Variants in PTPRO observed in about 807,000 individuals in gnomAD.
PTPRO encodes the protein receptor-type tyrosine-protein phosphatase O.
A neutral mutation model predicts 145.2 loss-of-function variants in PTPRO; 62 were observed. The observed-to-expected ratio is 0.43, with a 90% CI of 0.35 to 0.53. The LOEUF (loss-of-function observed/expected upper bound fraction) is 0.53. Among genes scored for constraint, PTPRO ranks in the 20% least tolerant of loss-of-function variants. The pLI is 0.01. For missense variants in PTPRO, 1,345 were observed against 1,482.7 expected (o/e 0.91, Z 1.53); for synonymous variants, 565 against 514.7 (o/e 1.10, Z -1.32).
At chr12:15,591,369 TCAAAAAAAA>T (rs1344603187) in intron 25 of PTPRO, among the ~76,000 whole-genome samples, 3 of 151,686 alleles carry the variant, frequency 2.0e-5, no homozygotes, top group Non-Finnish European at 4.4e-5. Flanking sequence ...AGACTCCATC[TCAAAAAAAA>T]CAAAAAAAAC....
chr12:15,508,602 C>G lies in PTPRO; in HGVS notation c.1299C>G (p.Thr433=). The change falls in exon 7 of 27, where the codon ACC becomes ACG. Residue 433 remains threonine, a synonymous_variant. Coordinates refer to ENST00000281171, the MANE Select transcript of PTPRO (RefSeq NM_030667.3). ...CAGGAGAGTGGATTGAAGAACTGAC[C>G]GAGAAGCCGCAGCACGTGAGTGTCC... is the stretch of plus-strand genomic sequence containing the variant. ...SPSGEWIEEL[T]EKPQHVSVHV... 4 of 1,613,960 alleles carry G rather than the reference C, an allele frequency of 2.5e-6. No individual in the cohort carries two copies. Among genetic ancestry groups the G allele is most frequent in the Non-Finnish European group, 3.4e-6 (4 of 1,179,958 alleles).
chr12:15,533,936 A>C (rs1036007364), intron 12 of PTPRO, among the ~76,000 whole-genome samples: 3 of 152,124 alleles, frequency 2.0e-5, no homozygotes, highest in Non-Finnish European at 4.4e-5. Context: ...CTATAGAAAG[A>C]AACCAAACTA....
intron 1 of PTPRO, among the ~76,000 whole-genome samples, chr12:15,420,074 G>A (rs565430512): frequency 1.3e-5 from 2 of 149,970 alleles, no homozygotes; most frequent in South Asian, 2.1e-4. Flanking sequence ...GTGAAACCGG[G>A]AGGCGGAGCT....
At chr12:15,499,902 T>C (rs1279952290) in intron 4 of PTPRO, among the ~76,000 whole-genome samples, 1 of 152,162 alleles carries the variant, frequency 6.6e-6, no homozygotes, top group East Asian at 1.9e-4. Context: ...TGCTGACAAG[T>C]GACCCTATGG....
intron 1 of PTPRO, among the ~76,000 whole-genome samples, chr12:15,330,259 G>A (rs550061477): frequency 6.6e-6 from 1 of 152,258 alleles, no homozygotes; most frequent in Admixed American, 6.5e-5. Context: ...CTGGCATTAG[G>A]GTGACAGACA....
chr12:15,581,915 A>G (rs115495501), intron 23 of PTPRO, 114 bp downstream of exon 23: 1 of 1,381,276 alleles, frequency 7.2e-7, no homozygotes, highest in South Asian at 1.2e-5. Context: ...CACACACACA[A>G]AAATATCGAG....
rs888411902 is a variant in PTPRO at position 15,383,861 on chromosome 12, A to T, written c.75+61060A>T. ...ATAAGGGAAAGAGATGCTCTATAGA[A>T]TGTAAATTTCCCCTACAAGAGATGG... On this transcript the variant is annotated intron_variant, in intron 1 of 26. Transcript: ENST00000281171. Among the ~76,000 whole-genome samples, 4 of 152,196 alleles carry T rather than the reference A, an allele frequency of 2.6e-5. No homozygotes were observed. In the South Asian group the frequency reaches 8.3e-4, roughly 32 times the overall value.
At chr12:15,528,625 T>G (rs1942894343) in intron 12 of PTPRO, among the ~76,000 whole-genome samples, 1 of 151,756 alleles carries the variant, frequency 6.6e-6, no homozygotes, top group African/African-American at 2.4e-5. Flanking sequence ...GAAATAATAA[T>G]AGAAAACATT....
At chr12:15,344,881 A>T (rs1254607234) in intron 1 of PTPRO, among the ~76,000 whole-genome samples, 1 of 152,208 alleles carries the variant, frequency 6.6e-6, no homozygotes, top group Non-Finnish European at 1.5e-5. Context: ...GAACCAGTTC[A>T]TCGTCACCCA....
At chr12:15,526,078 G>T in intron 11 of PTPRO, 64 bp from the exon 12 acceptor site, 1 of 1,604,148 alleles carries the variant, frequency 6.2e-7, no homozygotes, top group Admixed American at 1.7e-5. Context: ...TCCTTTAGTT[G>T]TTTGGGGTGG....
chr12:15,349,597 G>A (rs1014656379), intron 1 of PTPRO, among the ~76,000 whole-genome samples: 18 of 152,282 alleles, frequency 1.2e-4, no homozygotes, highest in South Asian at 1.0e-3. Context: ...GTCTCTGTTA[G>A]TTAGCTCTGC....
intron 10 of PTPRO, among the ~76,000 whole-genome samples, chr12:15,524,494 C>A: frequency 6.6e-6 from 1 of 152,118 alleles, no homozygotes; most frequent in East Asian, 1.9e-4. Flanking sequence ...GTTGATGTAA[C>A]AAAAATATAC....
At chr12:15,389,006 T>C (rs1939111196) in intron 1 of PTPRO, among the ~76,000 whole-genome samples, 1 of 152,178 alleles carries the variant, frequency 6.6e-6, no homozygotes, top group South Asian at 2.1e-4. Flanking sequence ...CTCTGTCTTT[T>C]TATCTATTTT....
At chr12:15,374,887 G>A (rs1938635019) in intron 1 of PTPRO, among the ~76,000 whole-genome samples, 1 of 152,182 alleles carries the variant, frequency 6.6e-6, no homozygotes, top group Non-Finnish European at 1.5e-5. Context: ...GCTGAAGAAA[G>A]ACCAAAGAGT....
In PTPRO at chr12:15,595,032, C is replaced by T. The variant is rs374028479; in HGVS notation, c.3642C>T (p.Ser1214=). The T allele has an allele frequency of 1.2e-6, 2 of 1,612,812 alleles. No individual in the cohort carries two copies. The highest frequency in any genetic ancestry group is 2.7e-5 in the African/African-American group (2 of 74,912). ...GTGATGTCATATACGAGAATGTTAGCAAGTCCTAGTTCAGAATCCGGAGCA... is the reference window on the plus strand; with the variant it reads ...GTGATGTCATATACGAGAATGTTAGTAAGTCCTAGTTCAGAATCCGGAGCA... ...CISDVIYENV[S]KS The change falls in exon 26 of 27, where the codon AGC becomes AGT. Residue 1214 remains serine (S), a synonymous_variant. Transcript: ENST00000281171.
chr12:15,325,523 T>G (rs1232955230), intron 1 of PTPRO, among the ~76,000 whole-genome samples: 1 of 152,230 alleles, frequency 6.6e-6, no homozygotes, highest in Admixed American at 6.5e-5. Flanking sequence ...ATTTTTATTT[T>G]TATATCAATA....
At position 15,501,744 on chromosome 12, in the gene PTPRO, A is replaced by C. The variant is rs748264687; in HGVS notation, c.786A>C (p.Glu262Asp). Residue 262 changes from glutamate to aspartate, a missense_variant, in exon 5 of 27, where the codon GAA becomes GAC. Physicochemically the swap from Glu to Asp is conservative, Grantham distance 45. Around this residue, in one of 3 missense-constraint regions of PTPRO, gnomAD observed 1,130 missense variants for 1,214.7 expected, o/e 0.93. Coordinates refer to ENST00000281171, the MANE Select transcript of PTPRO (RefSeq NM_030667.3). ...GATCACAAGATACAATAGGAAAAGAAAAACTCTTCCATTTTACAGAAGAAA... is the reference window on the plus strand; with the variant it reads ...GATCACAAGATACAATAGGAAAAGACAAACTCTTCCATTTTACAGAAGAAA... Reference protein sequence around the residue: ...FMRSQDTIGKEKLFHFTEETP... With the variant: ...FMRSQDTIGKDKLFHFTEETP... 26 of 1,613,954 alleles carry C rather than the reference A, an allele frequency of 1.6e-5. No individual in the cohort carries two copies. Among genetic ancestry groups the C allele is most frequent in the Non-Finnish European group, 1.9e-5 (23 of 1,179,968 alleles).
intron 2 of PTPRO, 64 bp downstream of exon 2, chr12:15,484,311 C>T (rs1205536178): frequency 6.3e-7 from 1 of 1,583,644 alleles, no homozygotes; most frequent in African/African-American, 1.3e-5. Flanking sequence ...TCCCGTAGGG[C>T]TCGAATTGAC....
chr12:15,370,303 C>CA (rs920000627), intron 1 of PTPRO, among the ~76,000 whole-genome samples: 3 of 151,828 alleles, frequency 2.0e-5, no homozygotes, highest in Non-Finnish European at 2.9e-5. Flanking sequence ...TGAAATATAC[C>CA]AAAAAAAGGT....
Sources: gnomAD v4.1 joint callset for allele counts (sites outside exome capture counted in the v4.1 genomes callset) on GRCh38, gnomAD v4.1.1 for gene constraint, gnomAD v4.1.1 regional missense constraint, MANE v1.5 for transcripts, NCBI Gene and HGNC (gene_info 2026-07-23, HGNC 2026-07-21) for gene names.